The following KMT2C variants were observed in gnomAD, a reference collection of about 807,000 sequenced individuals.
KMT2C encodes the protein lysine methyltransferase 2C.
A neutral mutation model predicts 507.9 loss-of-function variants in KMT2C; 88 were observed. That is an observed-to-expected ratio of 0.17 (90% CI 0.15 to 0.21). KMT2C has a LOEUF of 0.21. Among genes scored for constraint, KMT2C ranks in the 10% least tolerant of loss-of-function variants. KMT2C has a pLI of 1.00. For synonymous variants in KMT2C, 2,049 were observed against 2,080.8 expected (o/e 0.98, Z 0.42); for missense variants, 4,954 against 5,957.8 (o/e 0.83, Z 5.55).
At chr7:152,237,891 T>C (rs1229863261) in intron 15 of KMT2C, among the ~76,000 whole-genome samples, 1 of 152,286 alleles carries the variant, frequency 6.6e-6, no homozygotes, top group Admixed American at 6.5e-5. Context: ...CTCAATTTAT[T>C]TTCTCGAACA....
At chr7:152,157,328 A>C (rs1264062390) in intron 44 of KMT2C, among the ~76,000 whole-genome samples, 3 of 138,238 alleles carry the variant, frequency 2.2e-5, no homozygotes, top group Non-Finnish European at 4.7e-5. Context: ...ACCCTGTCTC[A>C]AAAAAAAAAA....
At chr7:152,416,739 AT>A (rs1317531079) in intron 1 of KMT2C, among the ~76,000 whole-genome samples, 1 of 148,768 alleles carries the variant, frequency 6.7e-6, no homozygotes, top group Admixed American at 6.7e-5. Context: ...AAAAAAAAAA[AT>A]TCAATGTAAT....
At chr7:152,328,588 AGAGAGTG>A (rs2096852239) in intron 3 of KMT2C, among the ~76,000 whole-genome samples, 2 of 152,192 alleles carry the variant, frequency 1.3e-5, no homozygotes, top group African/African-American at 2.4e-5. Flanking sequence ...TAGTCATGAA[AGAGAGTG>A]GAGAGTGGGG....
At position 152,176,626 on chromosome 7, in the gene KMT2C, G is replaced by A. The variant is rs746209007; in HGVS notation, c.8827C>T (p.Leu2943=). The A allele has an allele frequency of 9.9e-6, 16 of 1,614,112 alleles. No homozygotes were observed. Among genetic ancestry groups the A allele is most frequent in the African/African-American group, 1.3e-5 (1 of 74,942 alleles). ...RPSGSPPPPT[L]PASPSNHVSS... ...ACATGATTGGATGGGGAGGCCGGCAGAGTTGGTGGTGGTGGAGACCCCGAT... is the reference window on the plus strand; with the variant it reads ...ACATGATTGGATGGGGAGGCCGGCAAAGTTGGTGGTGGTGGAGACCCCGAT... The change falls in exon 38 of 59, where the codon CTG becomes TTG. Residue 2943 remains leucine (L), a synonymous_variant. Transcript: ENST00000262189.
At chr7:152,173,641 A>G (rs1660197456) in intron 39 of KMT2C, among the ~76,000 whole-genome samples, 1 of 152,216 alleles carries the variant, frequency 6.6e-6, no homozygotes, top group Admixed American at 6.5e-5. Context: ...CTCCTAAGAG[A>G]GAAAAGACAA....
intron 1 of KMT2C, among the ~76,000 whole-genome samples, chr7:152,389,394 G>T (rs1387211672): frequency 6.7e-6 from 1 of 150,290 alleles, no homozygotes; most frequent in African/African-American, 2.4e-5. Context: ...ACGTCACTCA[G>T]TTTGTGGTAT....
At chr7:152,370,002 G>A (rs1481432106) in intron 1 of KMT2C, among the ~76,000 whole-genome samples, 13 of 152,046 alleles carry the variant, frequency 8.6e-5, no homozygotes, top group Non-Finnish European at 1.2e-4. Context: ...GACCATCCTG[G>A]CTAACACGGT....
At chr7:152,205,763 G>A (rs2094291413) in intron 24 of KMT2C, among the ~76,000 whole-genome samples, 1 of 152,136 alleles carries the variant, frequency 6.6e-6, no homozygotes, top group Non-Finnish European at 1.5e-5. Context: ...TACCATCTAG[G>A]TTTGTGGAAG....
rs117256660 is a variant in KMT2C, at chr7:152,223,119, T to G, written c.3324-437A>C. ...GTAATCGGGAAATTAAGTAAAAAGTTGTCTTGCAATGGAACAAATAATTAG... is the reference window on the plus strand; with the variant it reads ...GTAATCGGGAAATTAAGTAAAAAGTGGTCTTGCAATGGAACAAATAATTAG... On this transcript the variant is annotated intron_variant, in intron 20 of 58. Coordinates refer to ENST00000262189, the MANE Select transcript of KMT2C (RefSeq NM_170606.3). Among the ~76,000 whole-genome samples the G allele has an allele frequency of 6.8e-3, 1,042 of 152,262 alleles. 8 individuals carry two copies. Among genetic ancestry groups the G allele is most frequent in the Middle Eastern group, 0.02 (6 of 294 alleles).
intron 9 of KMT2C, among the ~76,000 whole-genome samples, chr7:152,257,869 A>G (rs546966140): frequency 9.9e-5 from 15 of 151,734 alleles, no homozygotes; most frequent in Admixed American, 4.6e-4. Context: ...ACACACGCAC[A>G]CACACACACA....
chr7:152,422,992 G>GCAT (rs2097787037), intron 1 of KMT2C, among the ~76,000 whole-genome samples: 1 of 149,896 alleles, frequency 6.7e-6, no homozygotes, highest in Non-Finnish European at 1.5e-5. Context: ...ACTCCAGCCT[G>GCAT]GGCAACAGAG....
chr7:152,316,512 G>C (rs2096724349), intron 3 of KMT2C, among the ~76,000 whole-genome samples: 1 of 152,076 alleles, frequency 6.6e-6, no homozygotes, highest in Non-Finnish European at 1.5e-5. Context: ...TAAAAGGACT[G>C]CTTCCTCTTG....
chr7:152,362,355 C>A (rs909747589), intron 1 of KMT2C, among the ~76,000 whole-genome samples: 2 of 151,354 alleles, frequency 1.3e-5, no homozygotes, highest in Admixed American at 1.3e-4. Context: ...GCAGAGTCAG[C>A]GGTAGGGGGT....
At chr7:152,290,228 G>GTC (rs1216248542) in intron 6 of KMT2C, among the ~76,000 whole-genome samples, 1 of 97,854 alleles carries the variant, frequency 1.0e-5, no homozygotes, top group African/African-American at 5.1e-5. Flanking sequence ...ATATGTGTGT[G>GTC]TGTGTGTGTG....
At chr7:152,221,631 G>C (rs1001968940) in intron 22 of KMT2C, among the ~76,000 whole-genome samples, 1 of 152,050 alleles carries the variant, frequency 6.6e-6, no homozygotes, top group African/African-American at 2.4e-5. Flanking sequence ...CACCATACTA[G>C]GCTTATTAAT....
At chr7:152,343,964 T>G (rs148157486) in intron 2 of KMT2C, among the ~76,000 whole-genome samples, 1 of 151,938 alleles carries the variant, frequency 6.6e-6, no homozygotes, top group Admixed American at 6.6e-5. Context: ...AGGAAGAGCA[T>G]CTCAGAAGGG....
intron 28 of KMT2C, 112 bp from the exon 29 acceptor site, chr7:152,194,680 T>A (rs2093910489): frequency 1.4e-6 from 1 of 701,880 alleles, no homozygotes; most frequent in Non-Finnish European, 2.2e-6. Context: ...AATAGAGAAA[T>A]AAAGTCTGTA....
At chr7:152,288,551 A>C (rs113237796) in intron 6 of KMT2C, among the ~76,000 whole-genome samples, 1 of 151,410 alleles carries the variant, frequency 6.6e-6, no homozygotes, top group African/African-American at 2.4e-5. Context: ...TAAATAAATA[A>C]ATATTTTTTT....
intron 7 of KMT2C, among the ~76,000 whole-genome samples, chr7:152,268,286 A>G (rs2095894200): frequency 1.3e-5 from 2 of 152,090 alleles, no homozygotes; most frequent in Non-Finnish European, 2.9e-5. Flanking sequence ...CTCAAAAAAA[A>G]ACTCTGCACA....
Sources: gnomAD v4.1 joint callset for allele counts (sites outside exome capture counted in the v4.1 genomes callset) on GRCh38, gnomAD v4.1.1 for gene constraint, MANE v1.5 for transcripts, NCBI Gene and HGNC (gene_info 2026-07-23, HGNC 2026-07-21) for gene names.